NR3C2: variants seen among roughly 807,000 people sequenced by gnomAD.
The protein encoded by NR3C2 is nuclear receptor subfamily 3 group C member 2, also known as mineralocorticoid receptor.
Under a neutral mutation model 86.4 loss-of-function variants are expected in NR3C2, and 15 were observed. The ratio of observed to expected loss-of-function variants is 0.17; its 90% CI spans 0.12 to 0.27. The LOEUF (loss-of-function observed/expected upper bound fraction) is 0.27, where lower values mean the gene tolerates loss of function less well. Ranked by LOEUF, NR3C2 falls within the 10% of genes least tolerant of loss-of-function variation. The pLI, the probability that NR3C2 is intolerant of heterozygous loss-of-function variation, is 1.00. For synonymous variants in NR3C2, 458 were observed against 450.5 expected (o/e 1.02, Z -0.21); for missense variants, 960 against 1,195.6 (o/e 0.80, Z 2.91).
intron 2 of NR3C2, among the ~76,000 whole-genome samples, chr4:148,303,191 A>C (rs1742430540): frequency 6.6e-6 from 1 of 152,176 alleles, no homozygotes; most frequent in African/African-American, 2.4e-5. Flanking sequence ...AAACTTTCAC[A>C]TTTGACATTA....
At chr4:148,155,829 G>C (rs1734354959) in intron 4 of NR3C2, among the ~76,000 whole-genome samples, 1 of 152,144 alleles carries the variant, frequency 6.6e-6, no homozygotes, top group Admixed American at 6.5e-5. Context: ...AAAGAACAAA[G>C]CTGGAGGAAT....
At chr4:148,286,433 G>A (rs143019197) in intron 2 of NR3C2, among the ~76,000 whole-genome samples, 4 of 152,150 alleles carry the variant, frequency 2.6e-5, no homozygotes. Flanking sequence ...AATTCCCTGT[G>A]ATTCACTTCT....
intron 3 of NR3C2, among the ~76,000 whole-genome samples, chr4:148,252,979 T>A (rs566253443): frequency 6.6e-6 from 1 of 152,338 alleles, no homozygotes; most frequent in Admixed American, 6.5e-5. Context: ...AAATTTGCCA[T>A]GTGAAGTTGT....
At chr4:148,182,769 T>G (rs1267217139) in intron 4 of NR3C2, among the ~76,000 whole-genome samples, 2 of 152,176 alleles carry the variant, frequency 1.3e-5, no homozygotes, top group African/African-American at 4.8e-5. Context: ...GCAACAGAGA[T>G]CTAGGTTCTG....
chr4:148,081,278 TG>T lies in NR3C2; in HGVS notation c.*65del. ...ATCACATGTTAAAAACAGGTTTTCT[TG>T]GGTCCTTCTGGGTGTGGAACAACAC... is the stretch of plus-strand genomic sequence containing the variant. On this transcript the variant is annotated 3_prime_UTR_variant, in exon 9 of 9. Transcript: ENST00000358102. 1 of 1,602,884 alleles carries T rather than the reference TG, an allele frequency of 6.2e-7. No homozygotes were observed. The highest frequency in any genetic ancestry group is 1.1e-5 in the South Asian group (1 of 90,638).
chr4:148,125,887 T>G (rs1259430453), intron 6 of NR3C2, among the ~76,000 whole-genome samples: 1 of 152,218 alleles, frequency 6.6e-6, no homozygotes, highest in East Asian at 1.9e-4. Flanking sequence ...TTATAAAAAG[T>G]AAGATTATCA....
chr4:148,311,763 T>C (rs1742911750), intron 2 of NR3C2, among the ~76,000 whole-genome samples: 1 of 152,246 alleles, frequency 6.6e-6, no homozygotes, highest in Admixed American at 6.5e-5. Context: ...TCACTGCCAA[T>C]TACACTGCAC....
chr4:148,250,428 A>G (rs1428127614), intron 3 of NR3C2, among the ~76,000 whole-genome samples: 2 of 152,132 alleles, frequency 1.3e-5, no homozygotes, highest in Non-Finnish European at 2.9e-5. Context: ...GAGGACTGAC[A>G]ACAGCACACA....
intron 8 of NR3C2, 128 bp from the exon 9 acceptor site, chr4:148,081,627 T>C (rs1730564912): frequency 4.0e-6 from 5 of 1,260,106 alleles, no homozygotes; most frequent in Non-Finnish European, 4.5e-6. Context: ...CATGTCTTCA[T>C]TAATTGAGCA....
intron 8 of NR3C2, among the ~76,000 whole-genome samples, chr4:148,082,777 C>A (rs1421857793): frequency 6.6e-6 from 1 of 151,474 alleles, no homozygotes; most frequent in Non-Finnish European, 1.5e-5. Context: ...TTTAGCTCAG[C>A]GGATCCCACC....
At chr4:148,417,532 T>A (rs576503439) in intron 2 of NR3C2, among the ~76,000 whole-genome samples, 59 of 152,356 alleles carry the variant, frequency 3.9e-4, no homozygotes, top group Non-Finnish European at 8.1e-4. Context: ...TTTATCTTCA[T>A]GCAGTTTTTA....
Position 148,436,190 on chromosome 4 carries a change from G to T in NR3C2, c.671C>A (p.Pro224Gln), listed in dbSNP as rs763664696. 1 of 1,614,166 alleles carries T rather than the reference G, an allele frequency of 6.2e-7. No homozygotes were observed. The highest frequency in any genetic ancestry group is 8.5e-7 in the Non-Finnish European group (1 of 1,180,026). The change falls in exon 2 of 9, where the codon CCA becomes CAA. Residue 224 changes from proline to glutamine, a missense_variant. Pro to Gln is a moderately conservative substitution (Grantham distance 76). Transcript: ENST00000358102. ...TCCCTGGGTGATTGGGCTGTGCACTGGAAAACTGCCAAAGCTGGCTGTGGT... is the reference window on the plus strand; with the variant it reads ...TCCCTGGGTGATTGGGCTGTGCACTTGAAAACTGCCAAAGCTGGCTGTGGT... ...SSTTASFGSFPVHSPITQGTP... is the reference protein window; with the variant it reads ...SSTTASFGSFQVHSPITQGTP...
intron 3 of NR3C2, among the ~76,000 whole-genome samples, chr4:148,257,294 C>T (rs1739880469): frequency 6.6e-6 from 1 of 152,218 alleles, no homozygotes; most frequent in African/African-American, 2.4e-5. Context: ...CATATATACA[C>T]AGACTAAGAC....
chr4:148,427,084 A>G (rs1468921789), intron 2 of NR3C2, among the ~76,000 whole-genome samples: 1 of 151,922 alleles, frequency 6.6e-6, no homozygotes, highest in Non-Finnish European at 1.5e-5. Context: ...CCTCCTGAGT[A>G]GCTAGGATTA....
chr4:148,393,035 G>T (rs1452851191), intron 2 of NR3C2, among the ~76,000 whole-genome samples: 1 of 152,110 alleles, frequency 6.6e-6, no homozygotes, highest in African/African-American at 2.4e-5. Context: ...GATCCCTCAG[G>T]CTGTAATAAA....
intron 2 of NR3C2, among the ~76,000 whole-genome samples, chr4:148,404,452 T>C (rs17581996): frequency 0.1 from 15,850 of 152,194 alleles, 986 homozygotes; most frequent in Middle Eastern, 0.33. Context: ...CCAGAGTCTT[T>C]ATTGTGTTGT....
intron 3 of NR3C2, among the ~76,000 whole-genome samples, chr4:148,233,819 A>G (rs1738592105): frequency 6.6e-6 from 1 of 152,008 alleles, no homozygotes; most frequent in African/African-American, 2.4e-5. Flanking sequence ...AACATCAAAG[A>G]TCACTGATCA....
intron 4 of NR3C2, among the ~76,000 whole-genome samples, chr4:148,186,992 GTATGTA>G (rs1560967221): frequency 3.9e-4 from 4 of 10,366 alleles, no homozygotes; most frequent in African/African-American, 3.8e-3. Context: ...ATGTGTGTAT[GTATGTA>G]TATATATATA....
At chr4:148,086,601 G>C (rs903794860) in intron 8 of NR3C2, among the ~76,000 whole-genome samples, 5 of 152,114 alleles carry the variant, frequency 3.3e-5, no homozygotes, top group African/African-American at 4.8e-5. Flanking sequence ...AATTAGCCAG[G>C]CATGGTGGCA....
Sources: allele counts gnomAD v4.1 joint callset (sites outside exome capture counted in the v4.1 genomes callset), GRCh38; gene constraint gnomAD v4.1.1; transcripts MANE v1.5; gene names NCBI Gene and HGNC (gene_info 2026-07-23, HGNC 2026-07-21).